The following KANK1 variants were observed in gnomAD, a reference collection of about 807,000 sequenced individuals.
KANK1 encodes the protein KN motif and ankyrin repeat domains 1.
Under a neutral mutation model 106.2 loss-of-function variants are expected in KANK1, and 109 were observed. The ratio of observed to expected loss-of-function variants is 1.03; its 90% CI spans 0.88 to 1.20. The LOEUF (loss-of-function observed/expected upper bound fraction) is 1.20, where lower values mean the gene tolerates loss of function less well. Ranked by LOEUF, KANK1 falls within the 50% of genes most tolerant of loss-of-function variation. The pLI is 0.00. For synonymous variants in KANK1, 873 were observed against 652.2 expected, an observed-to-expected ratio of 1.34 and a Z score of -5.16; for missense variants, 2,399 against 1,710.7, an observed-to-expected ratio of 1.40 and a Z score of -7.10.
At chr9:741,735 A>C (rs973235673) in intron 9 of KANK1, among the ~76,000 whole-genome samples, 1 of 151,724 alleles carries the variant, frequency 6.6e-6, no homozygotes, top group African/African-American at 2.4e-5. Flanking sequence ...GATCCACCTG[A>C]CTCAGCCTCC....
chr9:483,100 TTATTA>T (rs772345414), intron 3 of KANK1, among the ~76,000 whole-genome samples: 8 of 152,208 alleles, frequency 5.3e-5, no homozygotes, highest in Non-Finnish European at 8.8e-5. Context: ...GAATATTGTT[TTATTA>T]TATTATAAGT....
At chr9:616,926 C>A (rs80124164) in intron 1 of KANK1, among the ~76,000 whole-genome samples, 1 of 152,136 alleles carries the variant, frequency 6.6e-6, no homozygotes, top group Non-Finnish European at 1.5e-5. Flanking sequence ...CAATGCCACA[C>A]CCGAGTTGAG....
intron 1 of KANK1, among the ~76,000 whole-genome samples, chr9:662,140 A>G (rs972419777): frequency 1.3e-5 from 2 of 152,128 alleles, no homozygotes; most frequent in East Asian, 1.9e-4. Flanking sequence ...GACCTCTTCA[A>G]GGAGAAGTAC....
In KANK1 at chr9:507,456, A is replaced by G. The variant is rs573008392; in HGVS notation, c.-84+2702A>G. 8.5e-5 allele frequency among the ~76,000 whole-genome samples: 13 copies of G among 152,118 alleles called. No homozygotes were observed. The South Asian group carries it at 1.9e-3, about 22-fold the overall frequency. ...CCAGGCTACAGTGCAATGTCACAGT[A>G]TCAGCTCACTGCAACCTCCGCCTCC... is the stretch of plus-strand genomic sequence containing the variant. On this transcript the variant is annotated intron_variant, in intron 1 of 11. Transcript: ENST00000382297.
chr9:730,165 G>T lies in KANK1; in HGVS notation c.2813G>T (p.Ser938Ile). 1 of 1,614,190 alleles carries T rather than the reference G, an allele frequency of 6.2e-7. No homozygotes were observed. The highest frequency in any genetic ancestry group is 8.5e-7 in the Non-Finnish European group (1 of 1,180,024). ...GGGACCTCAGAAGGAAAGCCAATCAGCAGCCTGGATGCCTTCCCCACTCAG... is the reference window on the plus strand; with the variant it reads ...GGGACCTCAGAAGGAAAGCCAATCATCAGCCTGGATGCCTTCCCCACTCAG... Reference protein sequence around the residue: ...EVGTSEGKPISSLDAFPTQEG... With the variant: ...EVGTSEGKPIISLDAFPTQEG... Residue 938 changes from serine (S) to isoleucine (I), a missense_variant, in exon 4 of 12, where the codon AGC (serine) becomes ATC (isoleucine). Transcript: ENST00000382297.
rs190184786 is a variant in KANK1 at position 675,695 on chromosome 9, C to A, written c.-83-1195C>A. Among the ~76,000 whole-genome samples the A allele has an allele frequency of 2.6e-3, 396 of 152,064 alleles. 1 individual carries two copies. The highest frequency in any genetic ancestry group is 6.8e-3 in the Middle Eastern group (2 of 294). On this transcript the variant is annotated intron_variant, in intron 1 of 11. Transcript: ENST00000382297. Reference sequence around the variant, plus strand: ...ACTGGAAAGGGGTCTTAATCCAGACCCCAAGATCTTGGATCTCTCACAAGA... The same window carrying A: ...ACTGGAAAGGGGTCTTAATCCAGACACCAAGATCTTGGATCTCTCACAAGA...
chr9:557,201 A>C (rs1044099583), intron 1 of KANK1, among the ~76,000 whole-genome samples: 10 of 152,096 alleles, frequency 6.6e-5, no homozygotes, highest in Middle Eastern at 3.4e-3. Flanking sequence ...AAAAAAAAAA[A>C]AAAAAAATTT....
In KANK1 at chr9:511,065, C is replaced by A. The variant is rs114139138; in HGVS notation, c.-84+6311C>A. 6.3e-3 allele frequency among the ~76,000 whole-genome samples: 953 copies of A among 152,110 alleles called. 10 individuals carry two copies. The highest frequency in any genetic ancestry group is 0.021 in the African/African-American group (859 of 41,494). On this transcript the variant is annotated intron_variant, in intron 1 of 11. Transcript: ENST00000382297. ...AATGATGCAAAATTGTATTAATAGG[C>A]AAAATGTTAGAAATACTCAATATCG...
chr9:628,173 A>G (rs1240527971), intron 1 of KANK1, among the ~76,000 whole-genome samples: 1 of 152,210 alleles, frequency 6.6e-6, no homozygotes, highest in Non-Finnish European at 1.5e-5. Flanking sequence ...TTGAAGTCCG[A>G]AAACAAGTGG....
intron 1 of KANK1, among the ~76,000 whole-genome samples, chr9:667,016 A>G (rs1308581049): frequency 7.2e-6 from 1 of 139,000 alleles, no homozygotes; most frequent in Non-Finnish European, 1.5e-5. Flanking sequence ...TTTTTTTTGA[A>G]GACTTTGAGT....
intron 1 of KANK1, among the ~76,000 whole-genome samples, chr9:559,187 C>G (rs1815711534): frequency 6.6e-6 from 1 of 152,032 alleles, no homozygotes; most frequent in South Asian, 2.1e-4. Flanking sequence ...GTTGTCTAGT[C>G]TGTTCTTTTG....
intron 1 of KANK1, among the ~76,000 whole-genome samples, chr9:527,640 T>C (rs569870131): frequency 2.1e-4 from 32 of 151,496 alleles, no homozygotes; most frequent in Admixed American, 7.9e-4. Flanking sequence ...CAACAGCTTC[T>C]GCACAAGGTT....
intron 1 of KANK1, among the ~76,000 whole-genome samples, chr9:589,374 C>G (rs1194384236): frequency 6.6e-6 from 1 of 152,060 alleles, no homozygotes; most frequent in East Asian, 1.9e-4. Context: ...TCATGATAAG[C>G]TAAGGAGGTG....
intron 1 of KANK1, chr9:673,736 C>G (rs1003955649): frequency 2.0e-5 from 3 of 152,098 alleles, no homozygotes; most frequent in African/African-American, 7.2e-5. Flanking sequence ...CATCCAAATA[C>G]CTTGACACAT....
chr9:505,767 G>C (rs1009574401), intron 1 of KANK1, among the ~76,000 whole-genome samples: 5 of 152,234 alleles, frequency 3.3e-5, no homozygotes, highest in Admixed American at 2.6e-4. Flanking sequence ...ATTAGACCCT[G>C]ATACCCGAGG....
At chr9:610,541 A>G (rs1830321291) in intron 1 of KANK1, among the ~76,000 whole-genome samples, 1 of 152,198 alleles carries the variant, frequency 6.6e-6, no homozygotes, top group Admixed American at 6.5e-5. Flanking sequence ...TTAATATAGC[A>G]GCTGGTTTGA....
At chr9:531,949 C>T (rs1260279848) in intron 1 of KANK1, among the ~76,000 whole-genome samples, 2 of 152,178 alleles carry the variant, frequency 1.3e-5, no homozygotes. Flanking sequence ...AGACATCCAC[C>T]TGGCCTCCAA....
intron 1 of KANK1, among the ~76,000 whole-genome samples, chr9:617,735 C>A (rs1229153204): frequency 6.6e-6 from 1 of 152,246 alleles, no homozygotes; most frequent in East Asian, 1.9e-4. Flanking sequence ...AGCAGACATT[C>A]CGATCAGCAG....
chr9:734,649 G>C, intron 6 of KANK1, 99 bp from the exon 7 acceptor site: 1 of 786,688 alleles, frequency 1.3e-6, no homozygotes, highest in Non-Finnish European at 2.1e-6. Context: ...CTGGGCGACA[G>C]AGCATGACCC....
Sources: allele counts gnomAD v4.1 joint callset (sites outside exome capture counted in the v4.1 genomes callset), GRCh38; gene constraint gnomAD v4.1.1; transcripts MANE v1.5; gene names NCBI Gene and HGNC (gene_info 2026-07-23, HGNC 2026-07-21).